The following MYT1L variants were observed in gnomAD, a reference collection of about 807,000 sequenced individuals.
The protein encoded by MYT1L is myelin transcription factor 1-like protein.
In MYT1L, 12 loss-of-function variants were observed where a neutral mutation model predicts 126.7. The ratio of observed to expected loss-of-function variants is 0.09; its 90% CI spans 0.06 to 0.15. The LOEUF (loss-of-function observed/expected upper bound fraction) is 0.15, where lower values mean the gene tolerates loss of function less well. MYT1L is among the 10% of genes least tolerant of loss of function. The probability of loss-of-function intolerance (pLI) is 1.00; values close to 1 mark genes in which losing one functional copy is unlikely to be tolerated. For synonymous variants in MYT1L, 541 were observed against 604.2 expected, an observed-to-expected ratio of 0.90 and a Z score of 1.53; for missense variants, 979 against 1,585.2, an observed-to-expected ratio of 0.62 and a Z score of 6.49.
chr2:1,996,561 G>A (rs1224083732), intron 5 of MYT1L, among the ~76,000 whole-genome samples: 1 of 144,348 alleles, frequency 6.9e-6, no homozygotes, highest in Non-Finnish European at 1.5e-5. Flanking sequence ...ACAGAACCGA[G>A]TGTAGACGGG....
intron 10 of MYT1L, among the ~76,000 whole-genome samples, chr2:1,920,953 C>T (rs1353653757): frequency 1.3e-5 from 2 of 152,242 alleles, no homozygotes; most frequent in African/African-American, 2.4e-5. Context: ...TGCCGAGAGT[C>T]CCCGAGCCTC....
rs577532060 is a variant in MYT1L, at chr2:1,838,882, G to C, written c.3080+267C>G. 2.0e-5 allele frequency among the ~76,000 whole-genome samples: 3 copies of C among 152,314 alleles called. No homozygotes were observed. In the South Asian group the frequency reaches 6.2e-4, roughly 32 times the overall value. On this transcript the variant is annotated intron_variant, in intron 21 of 24. Coordinates refer to ENST00000647738, the MANE Select transcript of MYT1L (RefSeq NM_001303052.2). ...CTTAAATGAAAATCTATATCTTACT[G>C]TGGATTCTAGTTTCAAAAACGGAAA...
chr2:1,868,239 A>G (rs1466925249), intron 18 of MYT1L, among the ~76,000 whole-genome samples: 2 of 152,232 alleles, frequency 1.3e-5, no homozygotes, highest in Non-Finnish European at 2.9e-5. Context: ...CTGGGATTAC[A>G]GGTGTGAGCC....
intron 19 of MYT1L, chr2:1,842,937 G>T (rs910454894): frequency 1.2e-5 from 2 of 166,880 alleles, no homozygotes; most frequent in African/African-American, 2.5e-5. Flanking sequence ...AGGCGCTTCC[G>T]CTTCCAGGCG....
intron 1 of MYT1L, among the ~76,000 whole-genome samples, chr2:2,295,791 C>A (rs902760894): frequency 1.0e-5 from 1 of 100,276 alleles, no homozygotes; most frequent in African/African-American, 3.6e-5. Flanking sequence ...GAGAGACAGA[C>A]AGAGAGAGAG....
chr2:2,163,465 C>T (rs1048199543), intron 3 of MYT1L, among the ~76,000 whole-genome samples: 2 of 152,066 alleles, frequency 1.3e-5, no homozygotes, highest in African/African-American at 2.4e-5. Flanking sequence ...GTGGCTCACA[C>T]CTGTAATCCC....
chr2:1,872,432 A>G lies in MYT1L; in HGVS notation c.2711+14107T>C, dbSNP rs141372457. 6.7e-4 allele frequency among the ~76,000 whole-genome samples: 102 copies of G among 152,358 alleles called. 1 individual carries two copies. The highest frequency in any genetic ancestry group is 1.2e-3 in the Admixed American group (18 of 15,304). ...AAAGTGGTGAGGACAGGGAGAAGGCAGCGGTGTGGACTAGATCAGCCATGG... is the reference window on the plus strand; with the variant it reads ...AAAGTGGTGAGGACAGGGAGAAGGCGGCGGTGTGGACTAGATCAGCCATGG... On this transcript the variant is annotated intron_variant, in intron 18 of 24. Coordinates refer to ENST00000647738, the MANE Select transcript of MYT1L (RefSeq NM_001303052.2).
Position 2,172,915 on chromosome 2 carries a change from T to C in MYT1L, c.-347A>G, listed in dbSNP as rs879323846. 2.0e-5 allele frequency: 3 copies of C among 152,348 alleles called. No individual in the cohort carries two copies. The highest frequency in any genetic ancestry group is 4.8e-5 in the African/African-American group (2 of 41,472). The allele number at this position is 152,348 out of a possible 1,614,324, so 9.4% of individuals were successfully genotyped here. A position where few individuals can be genotyped will look rare whatever the true frequency, so the allele number is the denominator to read the frequency against. On this transcript the variant is annotated 5_prime_UTR_variant, in exon 3 of 25. Coordinates refer to ENST00000647738, the MANE Select transcript of MYT1L (RefSeq NM_001303052.2). ...GGGTGGGTGATCTCAGGACCTGATA[T>C]TCTTCCGCCGTCGACCAGGGTTTGA...
At chr2:1,965,295 A>G (rs1337173056) in intron 8 of MYT1L, among the ~76,000 whole-genome samples, 1 of 144,360 alleles carries the variant, frequency 6.9e-6, no homozygotes, top group African/African-American at 2.6e-5. Flanking sequence ...ACTTGCAAGG[A>G]TCAGGCAGGG....
intron 1 of MYT1L, among the ~76,000 whole-genome samples, chr2:2,313,367 A>T (rs949493783): frequency 6.6e-6 from 1 of 152,150 alleles, no homozygotes; most frequent in Non-Finnish European, 1.5e-5. Context: ...AGAGGTGGGT[A>T]TAGCAAGGGC....
At chr2:1,924,019 C>G (rs184824197) in intron 9 of MYT1L, among the ~76,000 whole-genome samples, 1 of 152,070 alleles carries the variant, frequency 6.6e-6, no homozygotes, top group African/African-American at 2.4e-5. Context: ...CTATAAAAGG[C>G]GGGGTTGAGG....
At chr2:2,032,213 G>A (rs2066393611) in intron 4 of MYT1L, among the ~76,000 whole-genome samples, 2 of 79,438 alleles carry the variant, frequency 2.5e-5, no homozygotes, top group African/African-American at 1.2e-4. Flanking sequence ...CTAGAAGGAG[G>A]GCCTTACACA....
intron 21 of MYT1L, among the ~76,000 whole-genome samples, chr2:1,820,430 T>G (rs1275059541): frequency 6.6e-6 from 1 of 152,204 alleles, no homozygotes; most frequent in East Asian, 1.9e-4. Flanking sequence ...ATGACAGTTT[T>G]ATATGTCAAC....
intron 8 of MYT1L, among the ~76,000 whole-genome samples, chr2:1,976,428 G>C (rs937945594): frequency 1.3e-5 from 2 of 152,232 alleles, no homozygotes; most frequent in African/African-American, 4.8e-5. Flanking sequence ...GATCACCGGA[G>C]ATCAGGAGTT....
At chr2:2,138,008 C>G (rs951692285) in intron 3 of MYT1L, among the ~76,000 whole-genome samples, 1 of 152,148 alleles carries the variant, frequency 6.6e-6, no homozygotes, top group African/African-American at 2.4e-5. Context: ...AAACAAACAA[C>G]CCCATCAAAA....
At chr2:2,140,589 C>T (rs1238913403) in intron 3 of MYT1L, among the ~76,000 whole-genome samples, 1 of 152,040 alleles carries the variant, frequency 6.6e-6, no homozygotes, top group African/African-American at 2.4e-5. Context: ...TGCCCGCCAC[C>T]ACGCCTGGCT....
intron 1 of MYT1L, chr2:2,319,482 C>T (rs910954967): frequency 1.3e-5 from 2 of 152,112 alleles, no homozygotes; most frequent in Non-Finnish European, 2.9e-5. Flanking sequence ...TATCCAGAAC[C>T]TTCAAGAATG....
At chr2:1,950,156 G>A (rs1257783093) in intron 8 of MYT1L, among the ~76,000 whole-genome samples, 4 of 151,878 alleles carry the variant, frequency 2.6e-5, no homozygotes, top group Non-Finnish European at 5.9e-5. Context: ...AGTCACTTGT[G>A]TAAAATCACA....
chr2:1,977,948 A>G (rs1211949898), intron 8 of MYT1L, among the ~76,000 whole-genome samples: 4 of 152,214 alleles, frequency 2.6e-5, no homozygotes, highest in Non-Finnish European at 4.4e-5. Context: ...TACAATAACA[A>G]TCATAATGTA....
Sources: allele counts gnomAD v4.1 joint callset (sites outside exome capture counted in the v4.1 genomes callset), GRCh38; gene constraint gnomAD v4.1.1; transcripts MANE v1.5; gene names NCBI Gene and HGNC (gene_info 2026-07-23, HGNC 2026-07-21).